The following KDM4C variants were observed in gnomAD, a reference collection of about 807,000 sequenced individuals.
KDM4C encodes lysine demethylase 4C.
A neutral mutation model predicts 129.3 loss-of-function variants in KDM4C; 81 were observed. The ratio of observed to expected loss-of-function variants is 0.63; its 90% CI spans 0.52 to 0.75. The LOEUF (loss-of-function observed/expected upper bound fraction) is 0.75, where lower values mean the gene tolerates loss of function less well. Ranked by LOEUF, KDM4C falls within the 30% of genes least tolerant of loss-of-function variation. The probability of loss-of-function intolerance (pLI) is 0.00; values close to 1 mark genes in which losing one functional copy is unlikely to be tolerated. For missense variants in KDM4C, 1,457 were observed against 1,304.0 expected, an observed-to-expected ratio of 1.12 and a Z score of -1.81; for synonymous variants, 573 against 456.1, an observed-to-expected ratio of 1.26 and a Z score of -3.26.
At chr9:6,824,720 T>G (rs1833603842) in intron 4 of KDM4C, among the ~76,000 whole-genome samples, 1 of 152,084 alleles carries the variant, frequency 6.6e-6, no homozygotes, top group Non-Finnish European at 1.5e-5. Flanking sequence ...ATACATTATT[T>G]TATACAAGGT....
At chr9:6,809,881 C>A (rs1033689662) in intron 3 of KDM4C, among the ~76,000 whole-genome samples, 1 of 152,070 alleles carries the variant, frequency 6.6e-6, no homozygotes, top group Admixed American at 6.6e-5. Flanking sequence ...CCTGTAGTCT[C>A]AGGTACTCAG....
At chr9:6,986,695 A>T in intron 11 of KDM4C, 29 bp downstream of exon 11, 2 of 1,501,456 alleles carry the variant, frequency 1.3e-6, no homozygotes, top group Non-Finnish European at 1.8e-6. Flanking sequence ...TTTTTACCAT[A>T]TTCATTATAT....
At chr9:6,783,577 G>C (rs1588235385) in intron 1 of KDM4C, among the ~76,000 whole-genome samples, 1 of 152,140 alleles carries the variant, frequency 6.6e-6, no homozygotes. Flanking sequence ...ACTGCAGAAA[G>C]AGACTTGCAG....
chr9:6,839,671 C>G (rs1177979399), intron 4 of KDM4C, among the ~76,000 whole-genome samples: 2 of 152,046 alleles, frequency 1.3e-5, no homozygotes, highest in African/African-American at 4.8e-5. Flanking sequence ...CTTTTGGAGG[C>G]CGAGGCAGGA....
intron 5 of KDM4C, among the ~76,000 whole-genome samples, chr9:6,853,399 A>C (rs1007666342): frequency 3.9e-5 from 6 of 152,062 alleles, no homozygotes; most frequent in African/African-American, 1.4e-4. Flanking sequence ...GGCTGAGGTG[A>C]GAGGATGACC....
intron 3 of KDM4C, among the ~76,000 whole-genome samples, chr9:6,807,615 C>T (rs1042819414): frequency 2.0e-5 from 3 of 150,782 alleles, no homozygotes; most frequent in African/African-American, 4.8e-5. Flanking sequence ...CCAGCCGCCC[C>T]GTCTGAGAAG....
chr9:7,076,666 C>T (rs1480847786), intron 17 of KDM4C: 2 of 1,310,592 alleles, frequency 1.5e-6, no homozygotes, highest in Non-Finnish European at 1.9e-6. Flanking sequence ...TGTCATTTTC[C>T]TCTGGATCCT....
intron 5 of KDM4C, among the ~76,000 whole-genome samples, chr9:6,874,461 T>G (rs546681503): frequency 1.4e-4 from 22 of 152,364 alleles, no homozygotes; most frequent in African/African-American, 4.3e-4. Flanking sequence ...TGACTTTTAC[T>G]GATTTTCAAA....
chr9:6,784,131 A>G (rs1824966027), intron 1 of KDM4C, among the ~76,000 whole-genome samples: 1 of 152,038 alleles, frequency 6.6e-6, no homozygotes. Context: ...AAATTCTTAC[A>G]TTTAGTGGCT....
At chr9:7,083,643 A>G (rs957019836) in intron 17 of KDM4C, among the ~76,000 whole-genome samples, 1 of 151,690 alleles carries the variant, frequency 6.6e-6, no homozygotes, top group South Asian at 2.1e-4. Flanking sequence ...AGGTATTACA[A>G]TCTTATGGGA....
intron 1 of KDM4C, among the ~76,000 whole-genome samples, chr9:6,765,817 C>T (rs1312192879): frequency 6.6e-6 from 1 of 152,102 alleles, no homozygotes; most frequent in Non-Finnish European, 1.5e-5. Flanking sequence ...GGGATGGAGT[C>T]TTTCTCTGTC....
At chr9:6,726,035 CCCTGCTTCAG>C (rs1032792056) in intron 1 of KDM4C, among the ~76,000 whole-genome samples, 5 of 151,716 alleles carry the variant, frequency 3.3e-5, no homozygotes, top group African/African-American at 1.2e-4. Context: ...CAAGCAATTC[CCCTGCTTCAG>C]CCTCCCAAGT....
rs774858000 is a variant in KDM4C at position 6,758,237 on chromosome 9, G to T, written c.-18+34G>T. 1.2e-4 allele frequency: 117 copies of T among 979,572 alleles called. No individual in the cohort carries two copies. The highest frequency in any genetic ancestry group is 1.4e-4 in the Non-Finnish European group (115 of 824,688). 60.7% of individuals were successfully genotyped at this position (979,572 alleles called of 1,614,324 possible). A position where few individuals can be genotyped will look rare whatever the true frequency, so the allele number is the denominator to read the frequency against. ...TTTTCCGGAGTCTGGGGGCCAGGGCGGGGGGAGGGTCCGGAGAGGTCTTCC... is the reference window on the plus strand; with the variant it reads ...TTTTCCGGAGTCTGGGGGCCAGGGCTGGGGGAGGGTCCGGAGAGGTCTTCC... On this transcript the variant is annotated intron_variant, in intron 1 of 21. Coordinates refer to ENST00000381309, the MANE Select transcript of KDM4C (RefSeq NM_015061.6). The surrounding 1 kb of genome is among the most constrained non-coding windows in gnomAD (Gnocchi z 4.6).
At chr9:7,084,497 T>C (rs1172979960) in intron 17 of KDM4C, among the ~76,000 whole-genome samples, 1 of 152,246 alleles carries the variant, frequency 6.6e-6, no homozygotes, top group East Asian at 1.9e-4. Context: ...ATAGGCCTTC[T>C]CCTTAATAAC....
chr9:7,133,813 A>T (rs1457379832), intron 19 of KDM4C, among the ~76,000 whole-genome samples: 1 of 152,210 alleles, frequency 6.6e-6, no homozygotes, highest in Non-Finnish European at 1.5e-5. Context: ...AAAAGAAAAT[A>T]TCCAAGTGGG....
chr9:6,904,274 C>T (rs752704213), intron 8 of KDM4C, among the ~76,000 whole-genome samples: 6 of 152,068 alleles, frequency 3.9e-5, no homozygotes, highest in African/African-American at 1.2e-4. Flanking sequence ...CTATGTCTAT[C>T]TATATATTTA....
chr9:6,900,746 C>A (rs1473749419), intron 8 of KDM4C, among the ~76,000 whole-genome samples: 1 of 152,212 alleles, frequency 6.6e-6, no homozygotes, highest in South Asian at 2.1e-4. Flanking sequence ...AACTCTGAGG[C>A]TTTGACTTTG....
chr9:6,762,700 C>T (rs1036957672), intron 1 of KDM4C, among the ~76,000 whole-genome samples: 2 of 149,220 alleles, frequency 1.3e-5, no homozygotes, highest in East Asian at 1.9e-4. Context: ...CCCTTGTTGC[C>T]CAGGCTGGAG....
intron 18 of KDM4C, among the ~76,000 whole-genome samples, chr9:7,121,630 G>A (rs1839497075): frequency 6.6e-6 from 1 of 152,096 alleles, no homozygotes; most frequent in Non-Finnish European, 1.5e-5. Flanking sequence ...GTTTACATAT[G>A]TGTACGTAGA....
Sources: gnomAD v4.1 joint callset for allele counts (sites outside exome capture counted in the v4.1 genomes callset) on GRCh38, gnomAD v4.1.1 for gene constraint, Gnocchi (gnomAD v3.1) non-coding constraint, MANE v1.5 for transcripts, NCBI Gene and HGNC (gene_info 2026-07-23, HGNC 2026-07-21) for gene names.